Variants in GRM7 observed in about 807,000 individuals in gnomAD.
GRM7 encodes glutamate metabotropic receptor 7.
GRM7 carries 35 observed loss-of-function variants against 84.5 expected under a neutral mutation model. That is an observed-to-expected ratio of 0.41 (90% confidence interval 0.32 to 0.55). GRM7 has a LOEUF of 0.55. Ranked by LOEUF, GRM7 falls within the 20% of genes least tolerant of loss-of-function variation. The pLI is 0.19. For synonymous variants in GRM7, 487 were observed against 455.1 expected (o/e 1.07, Z -0.89); for missense variants, 1,003 against 1,194.6 (o/e 0.84, Z 2.36).
chr3:7,196,656 T>G (rs1695889252), intron 2 of GRM7, among the ~76,000 whole-genome samples: 1 of 152,180 alleles, frequency 6.6e-6, no homozygotes, highest in South Asian at 2.1e-4. Context: ...GTTTCTTTAG[T>G]GAAGATGTTC....
chr3:7,392,908 G>A (rs113237322), intron 4 of GRM7, among the ~76,000 whole-genome samples: 360 of 152,244 alleles, frequency 2.4e-3, no homozygotes, highest in Non-Finnish European at 3.6e-3. Context: ...AGACATATAC[G>A]GGGTAGCCAG....
chr3:7,406,334 A>C (rs1695675462), intron 4 of GRM7, among the ~76,000 whole-genome samples: 1 of 152,060 alleles, frequency 6.6e-6, no homozygotes, highest in African/African-American at 2.4e-5. Flanking sequence ...CCCCGTCTCT[A>C]CTAAAAATAC....
Position 6,862,181 on chromosome 3 carries a change from G to A in GRM7, c.519+274G>A, listed in dbSNP as rs1694777381. The stretch of plus-strand genomic sequence containing the variant: ...CAAGAAGCAATCTGCGAAAAACAAG[G>A]CGATGATTTAAATGGGTTTGCATTA... On this transcript the variant is annotated intron_variant, in intron 1 of 9. Transcript: ENST00000357716. This position sits in a 1 kb window ranked among gnomAD's most constrained non-coding sequence, Gnocchi z 5.2. 6.6e-6 allele frequency among the ~76,000 whole-genome samples: 1 copy of A among 152,078 alleles called. No individual in the cohort carries two copies. Among genetic ancestry groups the A allele is most frequent in the African/African-American group, 2.4e-5 (1 of 41,408 alleles).
chr3:6,912,816 AAATT>A (rs1696817575), intron 1 of GRM7, among the ~76,000 whole-genome samples: 1 of 152,172 alleles, frequency 6.6e-6, no homozygotes, highest in Admixed American at 6.6e-5. Flanking sequence ...TTTTTAGAAT[AAATT>A]GTGATTTGAA....
At chr3:7,696,482 G>T (rs1267986682) in intron 9 of GRM7, among the ~76,000 whole-genome samples, 2 of 152,068 alleles carry the variant, frequency 1.3e-5, no homozygotes, top group African/African-American at 4.8e-5. Flanking sequence ...CACCCAAATG[G>T]AAGTAATGTG....
At chr3:6,965,173 G>A (rs532819766) in intron 1 of GRM7, among the ~76,000 whole-genome samples, 8 of 152,290 alleles carry the variant, frequency 5.3e-5, no homozygotes, top group Non-Finnish European at 8.8e-5. Flanking sequence ...TCCCCCTGAA[G>A]AGGAACTGAT....
intron 1 of GRM7, among the ~76,000 whole-genome samples, chr3:6,975,842 T>G (rs1693970459): frequency 6.6e-6 from 1 of 152,180 alleles, no homozygotes; most frequent in African/African-American, 2.4e-5. Context: ...GTGCCTCTTA[T>G]TATTTAATTA....
intron 9 of GRM7, among the ~76,000 whole-genome samples, chr3:7,734,676 T>C (rs1306570786): frequency 2.0e-5 from 3 of 152,206 alleles, no homozygotes; most frequent in African/African-American, 7.2e-5. Flanking sequence ...ATATGAGCAA[T>C]AGCCTCACAT....
At chr3:7,134,378 G>T (rs990059064) in intron 1 of GRM7, among the ~76,000 whole-genome samples, 1 of 152,090 alleles carries the variant, frequency 6.6e-6, no homozygotes. Flanking sequence ...AATATGAGGT[G>T]TGTAAGATAA....
intron 4 of GRM7, among the ~76,000 whole-genome samples, chr3:7,372,344 T>C (rs1323707288): frequency 6.6e-6 from 1 of 152,166 alleles, no homozygotes; most frequent in Non-Finnish European, 1.5e-5. Flanking sequence ...CCATTTTGTG[T>C]CCTCAGTTGT....
At chr3:7,350,869 C>T (rs900830796) in intron 4 of GRM7, among the ~76,000 whole-genome samples, 1 of 152,062 alleles carries the variant, frequency 6.6e-6, no homozygotes, top group African/African-American at 2.4e-5. Flanking sequence ...CATAAGCAAG[C>T]TTTCTCTGTT....
At chr3:7,324,029 C>A (rs190276371) in intron 4 of GRM7, among the ~76,000 whole-genome samples, 4 of 152,204 alleles carry the variant, frequency 2.6e-5, no homozygotes, top group Non-Finnish European at 5.9e-5. Context: ...TGCCTTCCCT[C>A]AAAGGTGTAA....
intron 7 of GRM7, among the ~76,000 whole-genome samples, chr3:7,508,360 T>C (rs1700097379): frequency 6.6e-6 from 1 of 152,196 alleles, no homozygotes; most frequent in East Asian, 1.9e-4. Flanking sequence ...AAATTTAAGT[T>C]TCTTCATGCT....
At chr3:7,715,878 G>T (rs17047850) in intron 9 of GRM7, among the ~76,000 whole-genome samples, 3,555 of 152,154 alleles carry the variant, frequency 0.023, 141 homozygotes, top group African/African-American at 0.081. Flanking sequence ...ACTTGCTACT[G>T]CAGGTATTTG....
At chr3:7,096,631 T>C (rs897355039) in intron 1 of GRM7, among the ~76,000 whole-genome samples, 5 of 152,226 alleles carry the variant, frequency 3.3e-5, no homozygotes, top group Non-Finnish European at 7.4e-5. Flanking sequence ...GGTGAAATCA[T>C]TGGCCACATG....
chr3:6,864,076 T>G (rs969908415), intron 1 of GRM7, among the ~76,000 whole-genome samples: 2 of 152,144 alleles, frequency 1.3e-5, no homozygotes, highest in Non-Finnish European at 2.9e-5. Flanking sequence ...AGTAACCCAA[T>G]GTTAGCGTTA....
At chr3:7,319,324 A>G (rs927897921) in intron 4 of GRM7, among the ~76,000 whole-genome samples, 1 of 152,060 alleles carries the variant, frequency 6.6e-6, no homozygotes, top group Admixed American at 6.6e-5. Flanking sequence ...GGAAGGGTTC[A>G]TTTAAGGGGG....
At chr3:6,870,015 C>A (rs1695069452) in intron 1 of GRM7, among the ~76,000 whole-genome samples, 1 of 151,998 alleles carries the variant, frequency 6.6e-6, no homozygotes, top group African/African-American at 2.4e-5. Context: ...CTCCTTTCCT[C>A]TTCTTTTTTT....
At chr3:6,989,353 T>C (rs1316965269) in intron 1 of GRM7, among the ~76,000 whole-genome samples, 3 of 152,244 alleles carry the variant, frequency 2.0e-5, no homozygotes, top group Non-Finnish European at 4.4e-5. Context: ...TTAAAGGTTA[T>C]CCTAAGCTTA....
Sources: gnomAD v4.1 joint callset for allele counts (sites outside exome capture counted in the v4.1 genomes callset) on GRCh38, gnomAD v4.1.1 for gene constraint, Gnocchi (gnomAD v3.1) non-coding constraint, MANE v1.5 for transcripts, NCBI Gene and HGNC (gene_info 2026-07-23, HGNC 2026-07-21) for gene names.